Variants in KIAA1217 observed in about 807,000 individuals in gnomAD.
KIAA1217 encodes sickle tail protein homolog.
Under a neutral mutation model 163.9 loss-of-function variants are expected in KIAA1217, and 88 were observed. That is an observed-to-expected ratio of 0.54 (90% CI 0.45 to 0.64). The LOEUF (loss-of-function observed/expected upper bound fraction) is 0.64. Ranked by LOEUF, KIAA1217 falls within the 30% of genes least tolerant of loss-of-function variation. KIAA1217 has a pLI of 0.00. For missense variants in KIAA1217, 2,372 were observed against 2,475.0 expected (o/e 0.96, Z 0.88); for synonymous variants, 903 against 923.1 (o/e 0.98, Z 0.39).
intron 10 of KIAA1217, among the ~76,000 whole-genome samples, chr10:24,517,719 G>C (rs999703769): frequency 1.3e-5 from 2 of 152,184 alleles, no homozygotes; most frequent in African/African-American, 4.8e-5. Context: ...GATGGGCTGG[G>C]CACAGTGATT....
intron 5 of KIAA1217, among the ~76,000 whole-genome samples, chr10:24,458,791 T>C (rs2062057773): frequency 6.6e-6 from 1 of 152,192 alleles, no homozygotes; most frequent in Admixed American, 6.5e-5. Context: ...TTGGCAGATT[T>C]AATTGACAAT....
At chr10:24,237,367 T>TG (rs2072433079) in intron 2 of KIAA1217, among the ~76,000 whole-genome samples, 1 of 152,200 alleles carries the variant, frequency 6.6e-6, no homozygotes, top group South Asian at 2.1e-4. Flanking sequence ...TTCTCTTGGG[T>TG]TTACCTCTGC....
chr10:24,456,534 A>G (rs77130155), intron 5 of KIAA1217, among the ~76,000 whole-genome samples: 14,231 of 152,024 alleles, frequency 0.094, 664 homozygotes, highest in South Asian at 0.12. Flanking sequence ...AGGGGCTCAG[A>G]GTTCAGTGTC....
intron 2 of KIAA1217, among the ~76,000 whole-genome samples, chr10:24,279,838 GA>G (rs375179817): frequency 2.0e-5 from 3 of 152,158 alleles, no homozygotes; most frequent in Non-Finnish European, 2.9e-5. Flanking sequence ...CTAGTGGACA[GA>G]AAAAATAGTC....
intron 2 of KIAA1217, among the ~76,000 whole-genome samples, chr10:24,121,231 G>A (rs1323995119): frequency 6.6e-6 from 1 of 152,170 alleles, no homozygotes; most frequent in African/African-American, 2.4e-5. Flanking sequence ...AGCAGCCTAG[G>A]GTGGGGGTAA....
intron 1 of KIAA1217, among the ~76,000 whole-genome samples, chr10:23,906,382 T>C (rs1260966566): frequency 6.6e-6 from 1 of 152,118 alleles, no homozygotes; most frequent in Non-Finnish European, 1.5e-5. Flanking sequence ...TCTTGGAATA[T>C]CCAAATGTGA....
At chr10:24,270,619 C>T (rs528924329) in intron 2 of KIAA1217, among the ~76,000 whole-genome samples, 2 of 152,334 alleles carry the variant, frequency 1.3e-5, no homozygotes, top group East Asian at 3.9e-4. Context: ...CAGCTCACTG[C>T]AACCTCTGCC....
chr10:24,148,002 A>G (rs2064416232), intron 2 of KIAA1217, among the ~76,000 whole-genome samples: 2 of 152,116 alleles, frequency 1.3e-5, no homozygotes, highest in South Asian at 2.1e-4. Context: ...TTTTTAAAAT[A>G]TAAGGTTAGA....
chr10:23,955,024 T>G (rs554321879), intron 1 of KIAA1217, among the ~76,000 whole-genome samples: 2 of 152,322 alleles, frequency 1.3e-5, no homozygotes, highest in East Asian at 3.9e-4. Flanking sequence ...ATAATAATAA[T>G]GGGCAATAAT....
chr10:24,161,136 G>A (rs897906865), intron 2 of KIAA1217, among the ~76,000 whole-genome samples: 17 of 152,186 alleles, frequency 1.1e-4, no homozygotes, highest in African/African-American at 2.9e-4. Flanking sequence ...GAGAAGTCTT[G>A]TGGTTTAAAT....
chr10:23,925,358 A>G (rs1246491183), intron 1 of KIAA1217, among the ~76,000 whole-genome samples: 1 of 152,188 alleles, frequency 6.6e-6, no homozygotes, highest in Non-Finnish European at 1.5e-5. Context: ...GCATCAGGAA[A>G]TAAAACTCCC....
chr10:24,259,755 C>G (rs1269227755), intron 2 of KIAA1217, among the ~76,000 whole-genome samples: 6 of 152,206 alleles, frequency 3.9e-5, no homozygotes, highest in African/African-American at 1.4e-4. Flanking sequence ...AGGTGACAGA[C>G]ACGGGGGAAC....
In KIAA1217 at chr10:23,726,979, C is replaced by CTTTTTTTTTTTTTT. The variant is rs1012125050; in HGVS notation, c.-321+31758_-321+31771dup. Among the ~76,000 whole-genome samples the CTTTTTTTTTTTTTT allele has an allele frequency of 4.7e-4, 44 of 93,416 alleles. 8 individuals carry two copies. The highest frequency in any genetic ancestry group is 2.1e-3 in the African/African-American group (44 of 20,686). 61.3% of individuals were successfully genotyped at this position (93,416 alleles called of 152,430 possible). A position where few individuals can be genotyped will look rare whatever the true frequency, so the allele number is the denominator to read the frequency against. On this transcript the variant is annotated intron_variant, in intron 1 of 18. Coordinates refer to the KIAA1217 transcript ENST00000376462. ...ATTTCCATGCCATTTGTATAGGCCTCTTTTTTTTTTTTTTTTTTTTTTTTT... is the reference window on the plus strand; with the variant it reads ...ATTTCCATGCCATTTGTATAGGCCTCTTTTTTTTTTTTTTTTTTTTTTTTTTTTTTTTTTTTTTT...
At chr10:24,085,984 G>A (rs901578452) in intron 2 of KIAA1217, among the ~76,000 whole-genome samples, 5 of 146,698 alleles carry the variant, frequency 3.4e-5, no homozygotes, top group Non-Finnish European at 7.4e-5. Context: ...AAAAAAAAAA[G>A]TGTTTGTTGA....
intron 2 of KIAA1217, among the ~76,000 whole-genome samples, chr10:24,170,226 C>T (rs529412567): frequency 2.0e-5 from 3 of 152,284 alleles, no homozygotes; most frequent in African/African-American, 7.2e-5. Context: ...GCACTGGTTG[C>T]TTTTTGCCGG....
At chr10:24,389,304 G>T (rs1281294207) in intron 3 of KIAA1217, among the ~76,000 whole-genome samples, 3 of 151,886 alleles carry the variant, frequency 2.0e-5, no homozygotes, top group African/African-American at 7.3e-5. Flanking sequence ...CGCAAGGACA[G>T]AAAACCAAAC....
chr10:23,916,010 C>T (rs1267201909), intron 1 of KIAA1217, among the ~76,000 whole-genome samples: 3 of 152,132 alleles, frequency 2.0e-5, no homozygotes, highest in East Asian at 1.9e-4. Context: ...TGTCAGAATG[C>T]CAAGGATGGG....
In KIAA1217 at chr10:24,089,287, C is replaced by T. The variant is rs559932549; in HGVS notation, c.-171+81913C>T. ...GGTAGTTTCTTTTGCTGTGCAGAAG[C>T]TCTTTAGTTTAATTAGATCCCATTT... On this transcript the variant is annotated intron_variant, in intron 2 of 18. Transcript: ENST00000376462. Among the ~76,000 whole-genome samples, 12 of 125,216 alleles carry T rather than the reference C, an allele frequency of 9.6e-5. No homozygotes were observed. In the East Asian group the frequency reaches 2.3e-3, roughly 24 times the overall value. The allele number at this position is 125,216 out of a possible 152,430, so 82.1% of individuals were successfully genotyped here.
chr10:23,767,139 C>A (rs1408948007), intron 1 of KIAA1217, among the ~76,000 whole-genome samples: 3 of 151,976 alleles, frequency 2.0e-5, no homozygotes, highest in Non-Finnish European at 4.4e-5. Flanking sequence ...AAGAGATGGA[C>A]AAAGAAGGCT....
Sources: gnomAD v4.1 joint callset for allele counts (sites outside exome capture counted in the v4.1 genomes callset) on GRCh38, gnomAD v4.1.1 for gene constraint, MANE v1.5 for transcripts, NCBI Gene and HGNC (gene_info 2026-07-23, HGNC 2026-07-21) for gene names.